RRP15: variants seen among roughly 807,000 people sequenced by gnomAD.
RRP15 encodes the protein RRP15-like protein.
In RRP15, 18 loss-of-function variants were observed where a neutral mutation model predicts 27.1. The ratio of observed to expected loss-of-function variants is 0.66; its 90% CI spans 0.46 to 0.98. The LOEUF (loss-of-function observed/expected upper bound fraction) is 0.98, where lower values mean the gene tolerates loss of function less well. Ranked by LOEUF, RRP15 falls within the 50% of genes least tolerant of loss-of-function variation. The pLI, the probability that RRP15 is intolerant of heterozygous loss-of-function variation, is 0.00. For missense variants in RRP15, 359 were observed against 337.8 expected (o/e 1.06, Z -0.49); for synonymous variants, 107 against 109.4 (o/e 0.98, Z 0.14).
At chr1:218,324,520 C>T (rs1215758043) in intron 4 of RRP15, among the ~76,000 whole-genome samples, 1 of 152,258 alleles carries the variant, frequency 6.6e-6, no homozygotes, top group Non-Finnish European at 1.5e-5. Flanking sequence ...GCTACCACCG[C>T]CTGCACCTCC....
At chr1:218,325,503 A>T (rs1656258718) in intron 4 of RRP15, among the ~76,000 whole-genome samples, 2 of 152,100 alleles carry the variant, frequency 1.3e-5, no homozygotes, top group African/African-American at 4.8e-5. Context: ...TTTAGGTTGG[A>T]TATTATTTTC....
intron 4 of RRP15, among the ~76,000 whole-genome samples, chr1:218,308,062 C>CTTTTTTTTT (rs56813511): frequency 0.017 from 1,161 of 67,058 alleles, 43 homozygotes; most frequent in Non-Finnish European, 0.023. Flanking sequence ...TTCTTTCTTT[C>CTTTTTTTTT]TTTTTTTTTT....
chr1:218,300,339 G>A (rs999991861), intron 1 of RRP15, among the ~76,000 whole-genome samples: 2 of 109,946 alleles, frequency 1.8e-5, no homozygotes, highest in Admixed American at 8.9e-5. Context: ...ACTCATGCTC[G>A]AGGTTCATTT....
rs114989617 is a variant in RRP15 at position 218,334,685 on chromosome 1, T to C, written c.*3594T>C. 8.9e-4 allele frequency: 136 copies of C among 152,356 alleles called. No individual in the cohort carries two copies. The highest frequency in any genetic ancestry group is 3.1e-3 in the African/African-American group (130 of 41,590). 9.4% of individuals were successfully genotyped at this position (152,356 alleles called of 1,614,324 possible). A position where few individuals can be genotyped will look rare whatever the true frequency, so the allele number is the denominator to read the frequency against. ...TCTATTAGGATCAATGTGATTGACATTTATCTCCACTCTGCATGTCACTGA... is the reference window on the plus strand; with the variant it reads ...TCTATTAGGATCAATGTGATTGACACTTATCTCCACTCTGCATGTCACTGA... On this transcript the variant is annotated 3_prime_UTR_variant, in exon 5 of 5. Transcript: ENST00000366932.
intron 1 of RRP15, 80 bp from the exon 2 acceptor site, chr1:218,302,214 C>T: frequency 9.3e-7 from 1 of 1,076,684 alleles, no homozygotes. Flanking sequence ...AGGCAGAGCT[C>T]CAGGAAGGGT....
At chr1:218,313,841 C>T (rs929589983) in intron 4 of RRP15, among the ~76,000 whole-genome samples, 1 of 152,158 alleles carries the variant, frequency 6.6e-6, no homozygotes, top group Non-Finnish European at 1.5e-5. Context: ...AACTAATTTT[C>T]AGTTATTTGG....
intron 4 of RRP15, among the ~76,000 whole-genome samples, chr1:218,312,054 A>G (rs1378540195): frequency 6.6e-6 from 1 of 152,186 alleles, no homozygotes; most frequent in African/African-American, 2.4e-5. Context: ...TGGAGGAGAC[A>G]GCAAGGGATG....
chr1:218,325,317 C>T (rs1472302150), intron 4 of RRP15, among the ~76,000 whole-genome samples: 1 of 152,136 alleles, frequency 6.6e-6, no homozygotes, highest in Non-Finnish European at 1.5e-5. Flanking sequence ...TGGTGGGACT[C>T]CTATTTTCTC....
chr1:218,301,987 A>G (rs1229288076), intron 1 of RRP15: 5 of 300,350 alleles, frequency 1.7e-5, no homozygotes, highest in African/African-American at 4.3e-5. Flanking sequence ...CCATGCCAAC[A>G]TCTGTCACCA....
At chr1:218,315,606 A>AT (rs199759241) in intron 4 of RRP15, among the ~76,000 whole-genome samples, 2 of 143,512 alleles carry the variant, frequency 1.4e-5, no homozygotes, top group African/African-American at 2.8e-5. Context: ...TTTTTTTATT[A>AT]TTTTATTTTT....
rs552255454 is a variant in RRP15 at position 218,285,307 on chromosome 1, G to A, written c.-10G>A. 2.4e-5 allele frequency: 38 copies of A among 1,613,200 alleles called. No homozygotes were observed. In the South Asian group the frequency reaches 3.2e-4, roughly 14 times the overall value. ...ACGCAACTGTCAGGTGACGCTTCCG[G>A]CGCAGAAAAATGGCAGCCGCCGCTC... On this transcript the variant is annotated 5_prime_UTR_variant, in exon 1 of 5. Transcript: ENST00000366932.
chr1:218,313,907 T>G (rs1306528078), intron 4 of RRP15, among the ~76,000 whole-genome samples: 1 of 152,220 alleles, frequency 6.6e-6, no homozygotes, highest in East Asian at 1.9e-4. Context: ...GGAAGCATCA[T>G]CCCAATTACA....
intron 1 of RRP15, among the ~76,000 whole-genome samples, chr1:218,298,200 G>A (rs1384610420): frequency 6.6e-6 from 1 of 152,026 alleles, no homozygotes; most frequent in Non-Finnish European, 1.5e-5. Context: ...TTGGGTTATG[G>A]AATCTTACTT....
chr1:218,293,566 T>G (rs2102492817), intron 1 of RRP15, among the ~76,000 whole-genome samples: 2 of 152,348 alleles, frequency 1.3e-5, no homozygotes, highest in Middle Eastern at 3.4e-3. Flanking sequence ...ATTATAAAAA[T>G]TGATAGGGAT....
intron 4 of RRP15, among the ~76,000 whole-genome samples, chr1:218,320,582 A>G (rs990799320): frequency 6.6e-6 from 1 of 152,206 alleles, no homozygotes; most frequent in Non-Finnish European, 1.5e-5. Flanking sequence ...AACAAGATGT[A>G]TAATAATAGA....
At chr1:218,287,050 C>T (rs771214353) in intron 1 of RRP15, among the ~76,000 whole-genome samples, 1 of 152,002 alleles carries the variant, frequency 6.6e-6, no homozygotes, top group African/African-American at 2.4e-5. Flanking sequence ...ACCTCCTCCC[C>T]CACCGCCCCC....
At chr1:218,308,847 T>C (rs1558207021) in intron 4 of RRP15, among the ~76,000 whole-genome samples, 1 of 152,234 alleles carries the variant, frequency 6.6e-6, no homozygotes, top group Admixed American at 6.5e-5. Context: ...AAGGCTTTAA[T>C]AGGCTGTATT....
At chr1:218,325,873 C>A (rs542680265) in intron 4 of RRP15, among the ~76,000 whole-genome samples, 8 of 152,272 alleles carry the variant, frequency 5.3e-5, no homozygotes, top group African/African-American at 1.9e-4. Context: ...CATTTTTCAT[C>A]TCTTTTCTTT....
intron 2 of RRP15, among the ~76,000 whole-genome samples, chr1:218,304,633 A>C (rs1655867029): frequency 6.6e-6 from 1 of 152,230 alleles, no homozygotes; most frequent in Non-Finnish European, 1.5e-5. Context: ...TGAGGAAGTC[A>C]TTTTCTGAAA....
Sources: allele counts gnomAD v4.1 joint callset (sites outside exome capture counted in the v4.1 genomes callset), GRCh38; gene constraint gnomAD v4.1.1; transcripts MANE v1.5; gene names NCBI Gene and HGNC (gene_info 2026-07-23, HGNC 2026-07-21).